Variants in UNC13C observed in about 807,000 individuals in gnomAD.
The protein encoded by UNC13C is unc-13 homolog C, also known as protein unc-13 homolog C.
Under a neutral mutation model 245.4 loss-of-function variants are expected in UNC13C, and 174 were observed. That is an observed-to-expected ratio of 0.71 (90% CI 0.63 to 0.80). The LOEUF (loss-of-function observed/expected upper bound fraction) is 0.80. Ranked by LOEUF, UNC13C falls within the 30% of genes least tolerant of loss-of-function variation. The pLI, the probability that UNC13C is intolerant of heterozygous loss-of-function variation, is 0.00. For synonymous variants in UNC13C, 992 were observed against 895.1 expected, an observed-to-expected ratio of 1.11 and a Z score of -1.93; for missense variants, 2,829 against 2,602.9, an observed-to-expected ratio of 1.09 and a Z score of -1.89.
intron 4 of UNC13C, among the ~76,000 whole-genome samples, chr15:54,152,612 G>GT (rs1289121136): frequency 6.6e-6 from 1 of 152,162 alleles, no homozygotes; most frequent in East Asian, 1.9e-4. Context: ...TGAAGGCAGT[G>GT]TTTGAGTCGT....
chr15:54,521,214 A>G lies in UNC13C; in HGVS notation c.5458-4335A>G, dbSNP rs1895202861. 2.0e-5 allele frequency among the ~76,000 whole-genome samples: 3 copies of G among 152,080 alleles called. No individual in the cohort carries two copies. In the South Asian group the frequency reaches 6.2e-4, roughly 31 times the overall value. On this transcript the variant is annotated intron_variant, in intron 24 of 32. Transcript: ENST00000260323. ...TGGAGAGTATGAAACCTACCAGAAT[A>G]ATGATTAAATTTTGGCCCCTGGTGA...
chr15:54,174,684 G>GAT (rs2033545103), intron 4 of UNC13C, among the ~76,000 whole-genome samples: 1 of 152,078 alleles, frequency 6.6e-6, no homozygotes, highest in African/African-American at 2.4e-5. Flanking sequence ...AACGAAGCCT[G>GAT]GACCATATAA....
chr15:54,525,782 GT>G (rs1895425163), intron 25 of UNC13C, 145 bp downstream of exon 25: 1 of 694,960 alleles, frequency 1.4e-6, no homozygotes, highest in South Asian at 1.8e-5. Context: ...TGAAACATCT[GT>G]TATGACCCCA....
At chr15:53,936,858 C>T in the UNC13C span, among the ~76,000 whole-genome samples, 5 of 152,146 alleles carry the variant, frequency 3.3e-5, no homozygotes, top group Non-Finnish European at 7.3e-5. Flanking sequence ...CAAAAAGTCC[C>T]CCCAAAAACC....
At chr15:54,028,803 G>A (rs527710857) in intron 2 of UNC13C, among the ~76,000 whole-genome samples, 6 of 144,258 alleles carry the variant, frequency 4.2e-5, no homozygotes, top group African/African-American at 1.3e-4. Flanking sequence ...CTCTTCTCCT[G>A]CCTCAGCCTC....
chr15:54,269,759 T>C lies in UNC13C; in HGVS notation c.3818+4263T>C, dbSNP rs79538935. On this transcript the variant is annotated intron_variant, in intron 10 of 32. Transcript: ENST00000260323. ...AAACTATGAATTATCTGTATTATTA[T>C]TGGCAGTTTTCATATAATTTTCCAT... 3.6e-3 allele frequency among the ~76,000 whole-genome samples: 550 copies of C among 152,278 alleles called. 3 individuals carry two copies. Among genetic ancestry groups the C allele is most frequent in the African/African-American group, 0.013 (525 of 41,572 alleles).
At chr15:54,626,727 T>C in intron 32 of UNC13C, 101 bp from the exon 33 acceptor site, 2 of 1,054,436 alleles carry the variant, frequency 1.9e-6, no homozygotes, top group African/African-American at 1.6e-5. Flanking sequence ...AACATAATAA[T>C]CAGATCCAAT....
intron 8 of UNC13C, among the ~76,000 whole-genome samples, chr15:54,253,111 A>T (rs1008305869): frequency 6.6e-6 from 1 of 152,232 alleles, no homozygotes; most frequent in Non-Finnish European, 1.5e-5. Flanking sequence ...ACATGCTAAA[A>T]GAAATTAAAT....
chr15:54,394,984 A>G (rs955514136), intron 18 of UNC13C, among the ~76,000 whole-genome samples: 5 of 151,834 alleles, frequency 3.3e-5, no homozygotes, highest in African/African-American at 1.2e-4. Flanking sequence ...CATGTGCAAA[A>G]GAGAAAATTG....
At chr15:54,477,474 A>G (rs1892821017) in intron 19 of UNC13C, among the ~76,000 whole-genome samples, 1 of 109,690 alleles carries the variant, frequency 9.1e-6, no homozygotes, top group African/African-American at 3.4e-5. Flanking sequence ...TTATTTTGAG[A>G]TACGTCCCAT....
At chr15:54,001,659 C>T (rs1481113220) in intron 1 of UNC13C, among the ~76,000 whole-genome samples, 2 of 152,120 alleles carry the variant, frequency 1.3e-5, no homozygotes, top group African/African-American at 4.8e-5. Flanking sequence ...GTTGTGGGCA[C>T]TTCTCTAATT....
intron 30 of UNC13C, among the ~76,000 whole-genome samples, chr15:54,601,339 A>G (rs1899408167): frequency 6.6e-6 from 1 of 152,178 alleles, no homozygotes. Context: ...CCACAAACAA[A>G]ATGACTTAAA....
At chr15:54,488,009 C>T (rs1893512937) in intron 19 of UNC13C, among the ~76,000 whole-genome samples, 1 of 129,216 alleles carries the variant, frequency 7.7e-6, no homozygotes, top group African/African-American at 3.1e-5. Context: ...TGATTTCTTG[C>T]CTCCAAAGAT....
chr15:53,983,658 A>G (rs989920048), intron 1 of UNC13C, among the ~76,000 whole-genome samples: 1 of 151,904 alleles, frequency 6.6e-6, no homozygotes, highest in Non-Finnish European at 1.5e-5. Flanking sequence ...TGCCTACCGT[A>G]ATTGCTTTCA....
At chr15:54,183,619 T>C (rs1324309656) in intron 4 of UNC13C, among the ~76,000 whole-genome samples, 1 of 152,030 alleles carries the variant, frequency 6.6e-6, no homozygotes, top group African/African-American at 2.4e-5. Flanking sequence ...ATAGGGCATT[T>C]ATAGAACTGA....
At chr15:53,867,589 A>G in the UNC13C span, among the ~76,000 whole-genome samples, 1 of 152,152 alleles carries the variant, frequency 6.6e-6, no homozygotes, top group Non-Finnish European at 1.5e-5. Context: ...TGAGAAAGTT[A>G]TGAGTAATTG....
intron 18 of UNC13C, among the ~76,000 whole-genome samples, chr15:54,413,457 A>C (rs867867164): frequency 6.6e-6 from 1 of 152,190 alleles, no homozygotes; most frequent in African/African-American, 2.4e-5. Flanking sequence ...ATTTATGCTC[A>C]AATGAAACCT....
At chr15:54,576,439 T>C (rs1374768189) in intron 30 of UNC13C, among the ~76,000 whole-genome samples, 1 of 152,240 alleles carries the variant, frequency 6.6e-6, no homozygotes, top group East Asian at 1.9e-4. Flanking sequence ...TTTAAGCTGA[T>C]ACTTAGTTTT....
rs375655538 is a variant in UNC13C, at chr15:54,567,944, C to G, written c.6103C>G (p.Gln2035Glu). Residue 2035 changes from glutamine (Q) to glutamate (E), a missense_variant, in exon 30 of 33, where the codon CAG becomes GAG. Physicochemically the swap from Gln to Glu is conservative, Grantham distance 29. Coordinates refer to ENST00000260323, the MANE Select transcript of UNC13C (RefSeq NM_001080534.3). The stretch of plus-strand genomic sequence containing the variant: ...GAAATTCATAGATACTCAAACCTCA[C>G]AGAGTAAGTAACACATAGGACCTGA... ...IKKFIDTQTS[Q>E]SRSSKDAVGQ... is the part of the protein sequence containing the mutation. The G allele has an allele frequency of 1.7e-4, 271 of 1,562,994 alleles. 1 individual carries two copies. Among genetic ancestry groups the G allele is most frequent in the Non-Finnish European group, 2.2e-4 (257 of 1,152,886 alleles).
Sources: gnomAD v4.1 joint callset for allele counts (sites outside exome capture counted in the v4.1 genomes callset) on GRCh38, gnomAD v4.1.1 for gene constraint, MANE v1.5 for transcripts, NCBI Gene and HGNC (gene_info 2026-07-23, HGNC 2026-07-21) for gene names.